The following NAV3 variants were observed in gnomAD, a reference collection of about 807,000 sequenced individuals.
The protein encoded by NAV3 is pore membrane and/or filament interacting like protein 1.
NAV3 carries 87 observed loss-of-function variants against 244.7 expected under a neutral mutation model. The observed-to-expected ratio is 0.36, with a 90% confidence interval of 0.30 to 0.42. The LOEUF is 0.42. NAV3 is among the 20% of genes least tolerant of loss of function. The pLI is 1.00. For missense variants in NAV3, 2,663 were observed against 2,893.3 expected, an observed-to-expected ratio of 0.92 and a Z score of 1.83; for synonymous variants, 1,126 against 1,042.2, an observed-to-expected ratio of 1.08 and a Z score of -1.55.
intron 9 of NAV3, among the ~76,000 whole-genome samples, chr12:78,043,571 C>A (rs747082351): frequency 3.9e-5 from 6 of 152,108 alleles, no homozygotes; most frequent in Non-Finnish European, 8.8e-5. Context: ...GTTCCTATTT[C>A]TCCACAACCT....
intron 2 of NAV3, among the ~76,000 whole-genome samples, chr12:77,808,180 T>C (rs1872084478): frequency 6.6e-6 from 1 of 152,146 alleles, no homozygotes; most frequent in South Asian, 2.1e-4. Context: ...GTTCTGTCAA[T>C]TCATCAAACT....
chr12:77,997,756 G>C (rs1284785660), intron 6 of NAV3, among the ~76,000 whole-genome samples: 1 of 152,230 alleles, frequency 6.6e-6, no homozygotes, highest in Non-Finnish European at 1.5e-5. Flanking sequence ...GGGCAGACCA[G>C]TGAAATATAA....
intron 2 of NAV3, among the ~76,000 whole-genome samples, chr12:77,590,517 G>A (rs115642393): frequency 3.3e-4 from 51 of 152,314 alleles, no homozygotes; most frequent in African/African-American, 1.2e-3. Flanking sequence ...ATCAGAGGGT[G>A]GAGGGTAGGA....
chr12:78,155,410 A>G (rs569117198), intron 22 of NAV3, among the ~76,000 whole-genome samples: 21 of 152,096 alleles, frequency 1.4e-4, no homozygotes, highest in East Asian at 1.4e-3. Context: ...CATTTTCTTT[A>G]TCCAGTTTAT....
intron 23 of NAV3, among the ~76,000 whole-genome samples, chr12:78,165,791 G>T (rs1957755826): frequency 1.3e-5 from 2 of 151,656 alleles, no homozygotes; most frequent in South Asian, 4.1e-4. Flanking sequence ...AATTCTTTAT[G>T]TTTATCTCTA....
In NAV3 at chr12:77,775,401, A is replaced by G. The variant is rs542910590; in HGVS notation, c.73-164918A>G. 3.8e-3 allele frequency among the ~76,000 whole-genome samples: 575 copies of G among 152,082 alleles called. 2 individuals are homozygous for G. Among genetic ancestry groups the G allele is most frequent in the Admixed American group, 5.6e-3 (85 of 15,266 alleles). On this transcript the variant is annotated intron_variant, in intron 2 of 8. Coordinates refer to the NAV3 transcript ENST00000550042. ...GAGCAAAAGTCCATCTTGAAAAAAA[A>G]AAAAAGAAAAAAGTGTGTCATTTTT...
chr12:77,621,355 G>A (rs1050991232), intron 2 of NAV3, among the ~76,000 whole-genome samples: 1 of 152,192 alleles, frequency 6.6e-6, no homozygotes, highest in Admixed American at 6.5e-5. Flanking sequence ...CATCAGCTCT[G>A]AGAAATGAAC....
At chr12:77,573,064 A>G (rs1302284512) in intron 2 of NAV3, among the ~76,000 whole-genome samples, 1 of 152,208 alleles carries the variant, frequency 6.6e-6, no homozygotes, top group African/African-American at 2.4e-5. Flanking sequence ...GGACTCTGCT[A>G]GTACAGGATA....
chr12:78,146,901 T>C (rs925501795), intron 21 of NAV3, among the ~76,000 whole-genome samples: 1 of 152,102 alleles, frequency 6.6e-6, no homozygotes, highest in Non-Finnish European at 1.5e-5. Flanking sequence ...ACATATTTGG[T>C]TGCACTCGTG....
intron 8 of NAV3, among the ~76,000 whole-genome samples, chr12:78,010,494 T>A (rs1456735973): frequency 6.6e-6 from 1 of 152,064 alleles, no homozygotes; most frequent in Admixed American, 6.6e-5. Flanking sequence ...AAAAATGTCA[T>A]CCCCCATTTT....
At chr12:77,878,075 G>A (rs1394441411) in intron 1 of NAV3, among the ~76,000 whole-genome samples, 3 of 152,046 alleles carry the variant, frequency 2.0e-5, no homozygotes. Flanking sequence ...AACAAGGGGA[G>A]TCTAAGAAAC....
chr12:78,176,025 TAAAAGA>T (rs1246698527), intron 25 of NAV3, among the ~76,000 whole-genome samples: 4 of 152,038 alleles, frequency 2.6e-5, no homozygotes, highest in African/African-American at 9.7e-5. Context: ...AGTTTCACCC[TAAAAGA>T]AATCAACCAC....
intron 1 of NAV3, among the ~76,000 whole-genome samples, chr12:77,833,149 A>T (rs1565837474): frequency 6.6e-6 from 1 of 152,072 alleles, no homozygotes; most frequent in Non-Finnish European, 1.5e-5. Flanking sequence ...ATGCTTGTGT[A>T]TTTTAATTAT....
intron 2 of NAV3, among the ~76,000 whole-genome samples, chr12:77,644,517 G>A (rs1417473920): frequency 6.6e-6 from 1 of 151,942 alleles, no homozygotes; most frequent in Non-Finnish European, 1.5e-5. Flanking sequence ...ATAGAACAGA[G>A]GCCTCAAAAA....
intron 1 of NAV3, among the ~76,000 whole-genome samples, chr12:77,853,904 A>G (rs893546982): frequency 3.3e-5 from 5 of 152,208 alleles, no homozygotes; most frequent in African/African-American, 4.8e-5. Context: ...TATTCAACAC[A>G]TATTATATGA....
At chr12:77,834,566 G>C (rs1874289280) in intron 1 of NAV3, among the ~76,000 whole-genome samples, 1 of 152,220 alleles carries the variant, frequency 6.6e-6, no homozygotes. Flanking sequence ...TGTCTCTGCT[G>C]ACCATGGCTA....
At chr12:77,627,735 T>A (rs1196428118) in intron 2 of NAV3, among the ~76,000 whole-genome samples, 1 of 152,182 alleles carries the variant, frequency 6.6e-6, no homozygotes, top group Non-Finnish European at 1.5e-5. Flanking sequence ...CCTCCATGTC[T>A]ATTGCAGCAC....
intron 2 of NAV3, among the ~76,000 whole-genome samples, chr12:77,624,768 A>G (rs1871542200): frequency 6.6e-6 from 1 of 152,222 alleles, no homozygotes; most frequent in Admixed American, 6.5e-5. Flanking sequence ...TAACCATCAG[A>G]TTTAACCTCT....
rs988271973 is a variant in NAV3, at chr12:77,843,160, C to G, written c.243+11456C>G. On this transcript the variant is annotated intron_variant, in intron 1 of 39. Transcript: ENST00000397909. The stretch of plus-strand genomic sequence containing the variant: ...AAAGCACCTGCTTTTTATACTATTT[C>G]TTCCTTCCTTTGGCTGGCTTTTTGA... Among the ~76,000 whole-genome samples the G allele has an allele frequency of 2.0e-5, 3 of 152,006 alleles. No individual in the cohort carries two copies. In the East Asian group the frequency reaches 5.8e-4, roughly 29 times the overall value.
Sources: gnomAD v4.1 joint callset for allele counts (sites outside exome capture counted in the v4.1 genomes callset) on GRCh38, gnomAD v4.1.1 for gene constraint, MANE v1.5 for transcripts, NCBI Gene and HGNC (gene_info 2026-07-23, HGNC 2026-07-21) for gene names.